The following GPR35 variants were observed in gnomAD, a reference collection of about 807,000 sequenced individuals.
The protein encoded by GPR35 is G protein-coupled receptor 35.
For missense variants in GPR35, 372 were observed against 422.5 expected, an observed-to-expected ratio of 0.88 and a Z score of 1.05; for synonymous variants, 207 against 198.4, an observed-to-expected ratio of 1.04 and a Z score of -0.36.
rs2043441521 is a variant in GPR35 at position 240,630,992 on chromosome 2, CTG to C, written c.*114_*115del. The C allele has an allele frequency of 2.3e-6, 2 of 881,734 alleles. No homozygotes were observed. Among genetic ancestry groups the C allele is most frequent in the African/African-American group, 3.3e-5 (2 of 59,738 alleles). The allele number at this position is 881,734 out of a possible 1,614,324, so 54.6% of individuals were successfully genotyped here. On this transcript the variant is annotated 3_prime_UTR_variant, in exon 2 of 2. Coordinates refer to ENST00000407714, the MANE Select transcript of GPR35 (RefSeq NM_005301.5). ...GAGCCCGAGATCAGCCCTGAACTCA[CTG>C]TGTATTCTCTTGGAGCCTTGGGTGG... is the stretch of plus-strand genomic sequence containing the variant.
At chr2:240,616,431 T>C (rs1236479324) in exon 3 of GPR35, 2 of 780,552 alleles carry the variant, frequency 2.6e-6, no homozygotes, top group Non-Finnish European at 4.8e-6. Context: ...ACTTGCAAAG[T>C]CCAGCCTGTA....
intron 2 of GPR35, among the ~76,000 whole-genome samples, chr2:240,616,065 G>A (rs1025511123): frequency 5.9e-5 from 9 of 151,744 alleles, no homozygotes; most frequent in Non-Finnish European, 8.8e-5. Context: ...CCTCCTCCAC[G>A]GTTCCCCAGG....
At chr2:240,613,232 A>G (rs1279134298) in intron 2 of GPR35, among the ~76,000 whole-genome samples, 1 of 152,130 alleles carries the variant, frequency 6.6e-6, no homozygotes, top group Non-Finnish European at 1.5e-5. Context: ...AGAGGGGACA[A>G]GAAACACTGA....
In GPR35 at chr2:240,632,155, G is replaced by A. The variant is rs2975787; in HGVS notation, c.*1273G>A. 0.38 allele frequency among the ~76,000 whole-genome samples: 57,634 copies of A among 151,434 alleles called. 12,789 individuals carry two copies. The highest frequency in any genetic ancestry group is 0.68 in the East Asian group (3,403 of 5,014). ...CTATGCCCAAAAGGGTCCCATGTCC[G>A]GGAGGGTCCATACGCAAGGGTGTCC... On this transcript the variant is annotated 3_prime_UTR_variant, in exon 2 of 2. Transcript: ENST00000407714.
intron 2 of GPR35, among the ~76,000 whole-genome samples, chr2:240,610,490 G>A (rs1438893705): frequency 6.6e-6 from 1 of 152,080 alleles, no homozygotes; most frequent in East Asian, 1.9e-4. Context: ...AAGACGAAGA[G>A]TCTCCTGTCA....
upstream of GPR35, among the ~76,000 whole-genome samples, chr2:240,621,867 A>G (rs1267305018): frequency 1.3e-5 from 2 of 152,046 alleles, no homozygotes; most frequent in Non-Finnish European, 2.9e-5. Flanking sequence ...GTATTATTCT[A>G]TTGATTTAAA....
chr2:240,626,718 C>T (rs914136658), intron 1 of GPR35, among the ~76,000 whole-genome samples: 3 of 152,160 alleles, frequency 2.0e-5, no homozygotes, highest in Admixed American at 2.0e-4. Flanking sequence ...AGTGGGGTCA[C>T]AGGTACGGGG....
intron 4 of GPR35, chr2:240,618,753 A>T: frequency 2.2e-6 from 1 of 458,388 alleles, no homozygotes; most frequent in Non-Finnish European, 3.9e-6. Context: ...TTTGTAAAAC[A>T]TACAGCTGAT....
At chr2:240,610,886 G>A (rs111296426) in intron 2 of GPR35, among the ~76,000 whole-genome samples, 17,600 of 151,166 alleles carry the variant, frequency 0.12, 1,261 homozygotes, top group East Asian at 0.28. Context: ...TGCCTGTCTC[G>A]GCCACCCAAA....
At chr2:240,622,853 C>G (rs141545082), upstream of GPR35, among the ~76,000 whole-genome samples, 1 of 152,182 alleles carries the variant, frequency 6.6e-6, no homozygotes, top group Admixed American at 6.5e-5. Context: ...AGGCTGGGGG[C>G]GGAGGGCCCC....
intron 1 of GPR35, chr2:240,629,643 C>T: frequency 6.5e-6 from 2 of 308,040 alleles, no homozygotes; most frequent in Admixed American, 4.5e-5. Context: ...GTAGGGCTTG[C>T]TGGGCTGGGG....
intron 1 of GPR35, 106 bp from the exon 2 acceptor site, chr2:240,629,843 G>T (rs2043418743): frequency 4.2e-6 from 4 of 962,280 alleles, no homozygotes; most frequent in Non-Finnish European, 4.7e-6. Context: ...GTGGGGTCGG[G>T]GCTCACCTCC....
chr2:240,619,811 T>TG (rs1224192778), intron 5 of GPR35, among the ~76,000 whole-genome samples: 1 of 152,136 alleles, frequency 6.6e-6, no homozygotes, highest in Admixed American at 6.5e-5. Context: ...AGGCAGGCAG[T>TG]GGGGAGCCTC....
chr2:240,619,021 TG>T, exon 5 of GPR35: 1 of 702,676 alleles, frequency 1.4e-6, no homozygotes. Context: ...TCATAGTCCT[TG>T]CGTCTCTCTG....
At chr2:240,623,339 TCGTGAGGGC>T (rs1559437509), upstream of GPR35, among the ~76,000 whole-genome samples, 6 of 140,364 alleles carry the variant, frequency 4.3e-5, no homozygotes, top group African/African-American at 1.6e-4. Context: ...CGCAAACAGG[TCGTGAGGGC>T]GCAAACAGGT....
At chr2:240,616,873 G>T (rs1175661308) in intron 3 of GPR35, 8 of 730,142 alleles carry the variant, frequency 1.1e-5, no homozygotes, top group Admixed American at 1.9e-5. Context: ...GCTGTGTGCT[G>T]CCCTGTGAAG....
At chr2:240,610,606 A>G (rs896481171) in intron 2 of GPR35, among the ~76,000 whole-genome samples, 8 of 151,796 alleles carry the variant, frequency 5.3e-5, no homozygotes, top group Non-Finnish European at 1.0e-4. Context: ...GACTACAGGC[A>G]TGTGGCACCA....
At chr2:240,624,155 G>A (rs138431252), upstream of GPR35, among the ~76,000 whole-genome samples, 274 of 152,258 alleles carry the variant, frequency 1.8e-3, no homozygotes, top group African/African-American at 6.0e-3. Flanking sequence ...GACGGCGGCC[G>A]GGCTTGGACT....
chr2:240,605,951 C>T (rs996912320), intron 1 of GPR35, among the ~76,000 whole-genome samples: 5 of 152,154 alleles, frequency 3.3e-5, no homozygotes, highest in Admixed American at 3.3e-4. Flanking sequence ...AAGGCTTTGG[C>T]AGGCAGGCTG....
Sources: gnomAD v4.1 joint callset for allele counts (sites outside exome capture counted in the v4.1 genomes callset) on GRCh38, gnomAD v4.1.1 for gene constraint, MANE v1.5 for transcripts, NCBI Gene and HGNC (gene_info 2026-07-23, HGNC 2026-07-21) for gene names.